ACOT7: variants seen among roughly 807,000 people sequenced by gnomAD.
ACOT7 encodes the protein acyl-CoA thioesterase 7.
A neutral mutation model predicts 40.2 loss-of-function variants in ACOT7; 12 were observed. That is an observed-to-expected ratio of 0.30 (90% confidence interval 0.19 to 0.48). The LOEUF is 0.48. Among genes scored for constraint, ACOT7 ranks in the 20% least tolerant of loss-of-function variants. The pLI, the probability that ACOT7 is intolerant of heterozygous loss-of-function variation, is 0.99. For synonymous variants in ACOT7, 228 were observed against 219.5 expected (o/e 1.04, Z -0.34); for missense variants, 395 against 530.8 (o/e 0.74, Z 2.51).
At chr1:6,365,373 CAT>C (rs1200055404) in intron 1 of ACOT7, among the ~76,000 whole-genome samples, 2 of 152,138 alleles carry the variant, frequency 1.3e-5, no homozygotes, top group East Asian at 1.9e-4. Context: ...TAATAAGTCA[CAT>C]GATTTTTTTG....
At chr1:6,321,546 G>T (rs1640645399) in intron 5 of ACOT7, among the ~76,000 whole-genome samples, 1 of 152,198 alleles carries the variant, frequency 6.6e-6, no homozygotes, top group South Asian at 2.1e-4. Flanking sequence ...ACGGAGTCTC[G>T]CTCTGTCACC....
chr1:6,366,635 G>A (rs1166608060), intron 1 of ACOT7, among the ~76,000 whole-genome samples: 1 of 150,380 alleles, frequency 6.6e-6, no homozygotes, highest in Non-Finnish European at 1.5e-5. Context: ...ATGTTTGATA[G>A]CATTTTACCC....
intron 1 of ACOT7, 117 bp downstream of exon 1, chr1:6,393,140 G>A (rs1642562474): frequency 1.8e-6 from 2 of 1,107,884 alleles, no homozygotes; most frequent in African/African-American, 1.7e-5. Context: ...GGCCGTGCGG[G>A]GAATCGGCGG....
intron 2 of ACOT7, among the ~76,000 whole-genome samples, chr1:6,344,034 A>C (rs2148449514): frequency 6.6e-6 from 1 of 152,346 alleles, no homozygotes. Context: ...GATGAGAGGC[A>C]TCTGAGCTGA....
chr1:6,371,977 G>A (rs1435016319), intron 1 of ACOT7, among the ~76,000 whole-genome samples: 2 of 151,846 alleles, frequency 1.3e-5, no homozygotes, highest in African/African-American at 4.8e-5. Flanking sequence ...CCTGAGAGGT[G>A]GAGGTTGCAG....
At chr1:6,381,304 T>C (rs936271892) in intron 1 of ACOT7, among the ~76,000 whole-genome samples, 1 of 150,978 alleles carries the variant, frequency 6.6e-6, no homozygotes, top group Non-Finnish European at 1.5e-5. Context: ...TGAATAAATA[T>C]ACAAACAGTT....
At position 6,284,876 on chromosome 1, in the gene ACOT7, A is replaced by G. The variant is rs545503292; in HGVS notation, c.830-3590T>C. ...CCTGGCCCCCGTGGTCTCTCCCTAG[A>G]AAAGCCCTCCTCTTACAGCTATCTG... On this transcript the variant is annotated intron_variant, in intron 7 of 8. Transcript: ENST00000361521. Among the ~76,000 whole-genome samples the G allele has an allele frequency of 7.2e-5, 11 of 152,210 alleles. No homozygotes were observed. The South Asian group carries it at 2.3e-3, about 32-fold the overall frequency.
At chr1:6,291,577 C>T (rs906924189) in intron 7 of ACOT7, among the ~76,000 whole-genome samples, 2 of 152,218 alleles carry the variant, frequency 1.3e-5, no homozygotes, top group Non-Finnish European at 2.9e-5. Flanking sequence ...CCAGGCACCA[C>T]GTGCAACCCG....
intron 8 of ACOT7, among the ~76,000 whole-genome samples, chr1:6,265,784 G>A (rs1200412283): frequency 6.6e-6 from 1 of 152,198 alleles, no homozygotes; most frequent in African/African-American, 2.4e-5. Flanking sequence ...TTTTGAGGGT[G>A]TCTGAAAGCC....
chr1:6,316,917 G>GCCAACAC (rs934717173), intron 6 of ACOT7, among the ~76,000 whole-genome samples: 1 of 152,170 alleles, frequency 6.6e-6, no homozygotes, highest in African/African-American at 2.4e-5. Context: ...GGGTGCTGGA[G>GCCAACAC]CCAACACAAA....
rs991759635 is a variant in ACOT7 at position 6,264,749 on chromosome 1, G to C, written c.1015-54C>G. On this transcript the variant is annotated intron_variant, in intron 8 of 8. Coordinates refer to ENST00000361521, the MANE Select transcript of ACOT7 (RefSeq NM_007274.4). The stretch of plus-strand genomic sequence containing the variant: ...TTAGGGTCACTGCAGAACCAGTGCC[G>C]TGGCCTTGTGACCTGGCCTGGGGCC... 1.5e-5 allele frequency: 23 copies of C among 1,570,682 alleles called. No homozygotes were observed. In the Middle Eastern group the frequency reaches 5.0e-4, roughly 34 times the overall value.
intron 1 of ACOT7, among the ~76,000 whole-genome samples, chr1:6,386,675 G>A (rs1642445816): frequency 6.6e-6 from 1 of 152,140 alleles, no homozygotes; most frequent in Non-Finnish European, 1.5e-5. Flanking sequence ...CGGCAACAAA[G>A]TGAGATCATG....
rs1389488302 is a variant in ACOT7 at position 6,274,492 on chromosome 1, C to A, written c.1014+6610G>T. On this transcript the variant is annotated intron_variant, in intron 8 of 8. Transcript: ENST00000361521. The surrounding 1 kb of genome is among the most constrained non-coding windows in gnomAD (Gnocchi z 5.9). ...TCCAGCCCATGCCACGCTGTCCTCT[C>A]GGCTGGCGCGGGGCTTACCCGGCCC... Among the ~76,000 whole-genome samples, 7 of 152,224 alleles carry A rather than the reference C, an allele frequency of 4.6e-5. No homozygotes were observed. Among genetic ancestry groups the A allele is most frequent in the Non-Finnish European group, 5.9e-5 (4 of 68,032 alleles).
intron 5 of ACOT7, among the ~76,000 whole-genome samples, chr1:6,320,489 C>G (rs769949656): frequency 1.1e-4 from 17 of 152,090 alleles, no homozygotes; most frequent in Non-Finnish European, 2.4e-4. Context: ...GTTGGAGATG[C>G]GGGGATTCAG....
intron 2 of ACOT7, among the ~76,000 whole-genome samples, chr1:6,345,713 C>T (rs1269077140): frequency 6.6e-6 from 1 of 152,220 alleles, no homozygotes; most frequent in Admixed American, 6.5e-5. Flanking sequence ...GACGGCAGCT[C>T]TGAGGATGCA....
At chr1:6,375,393 C>T (rs909791805) in intron 1 of ACOT7, among the ~76,000 whole-genome samples, 1 of 151,924 alleles carries the variant, frequency 6.6e-6, no homozygotes, top group Non-Finnish European at 1.5e-5. Flanking sequence ...AGAGGCCAGG[C>T]GCGGTGACTC....
intron 6 of ACOT7, among the ~76,000 whole-genome samples, chr1:6,308,956 G>A (rs1340296425): frequency 1.3e-5 from 2 of 152,244 alleles, no homozygotes; most frequent in Non-Finnish European, 2.9e-5. Context: ...ACTGAAGATA[G>A]CACAGAATAG....
chr1:6,303,232 G>A (rs1245214250), intron 6 of ACOT7, among the ~76,000 whole-genome samples: 1 of 152,068 alleles, frequency 6.6e-6, no homozygotes, highest in African/African-American at 2.4e-5. Flanking sequence ...TCCACCGCAG[G>A]CAGTCCTCAT....
chr1:6,299,792 T>C lies in ACOT7; in HGVS notation c.713-4812A>G, dbSNP rs1361074895. Among the ~76,000 whole-genome samples the C allele has an allele frequency of 1.3e-5, 2 of 152,124 alleles. No homozygotes were observed. Among genetic ancestry groups the C allele is most frequent in the Non-Finnish European group, 2.9e-5 (2 of 68,014 alleles). On this transcript the variant is annotated intron_variant, in intron 6 of 8. Transcript: ENST00000361521. This position sits in a 1 kb window ranked among gnomAD's most constrained non-coding sequence, Gnocchi z 4.1. ...TGATCTGCCTCATAAAGAAACTGAC[T>C]TGTGACCACAACAGCTGGACTAGTG...
Sources: gnomAD v4.1 joint callset for allele counts (sites outside exome capture counted in the v4.1 genomes callset) on GRCh38, gnomAD v4.1.1 for gene constraint, Gnocchi (gnomAD v3.1) non-coding constraint, MANE v1.5 for transcripts, NCBI Gene and HGNC (gene_info 2026-07-23, HGNC 2026-07-21) for gene names.